The following ABCA8 variants were observed in gnomAD, a reference collection of about 807,000 sequenced individuals.
ABCA8 encodes ABC-type organic anion transporter ABCA8.
In ABCA8, 177 loss-of-function variants were observed where a neutral mutation model predicts 192.3. The ratio of observed to expected loss-of-function variants is 0.92; its 90% confidence interval spans 0.81 to 1.04. The LOEUF (loss-of-function observed/expected upper bound fraction) is 1.04, where lower values mean the gene tolerates loss of function less well. ABCA8 is among the 50% of genes least tolerant of loss of function. The probability of loss-of-function intolerance (pLI) is 0.00; values close to 1 mark genes in which losing one functional copy is unlikely to be tolerated. For synonymous variants in ABCA8, 642 were observed against 690.2 expected, an observed-to-expected ratio of 0.93 and a Z score of 1.09; for missense variants, 1,915 against 1,904.8, an observed-to-expected ratio of 1.01 and a Z score of -0.10.
At chr17:68,946,566 G>A (rs929987511) in intron 2 of ABCA8, among the ~76,000 whole-genome samples, 4 of 152,028 alleles carry the variant, frequency 2.6e-5, no homozygotes, top group African/African-American at 9.7e-5. Flanking sequence ...GAAGACAGCC[G>A]GCCAAAAGAC....
Position 68,918,140 on chromosome 17 carries a change from T to A in ABCA8, c.1954A>T (p.Arg652Ter). The change falls in exon 16 of 40, where the codon AGA (arginine) becomes TGA (stop). Residue 652 changes from arginine to a stop codon, truncating the protein, a stop_gained. Coordinates refer to ENST00000586539, the MANE Select transcript of ABCA8 (RefSeq NM_001288985.2). LOFTEE classifies it high-confidence loss of function. ...EPTAGLDPFSRHQVWNLLKER... is the reference protein window; with the variant it reads ...EPTAGLDPFS ...TTCAGAAGGTTCCATACTTGGTGTC[T>A]TGAAAAGGGATCCAATCCAGCAGTT... The A allele has an allele frequency of 6.2e-7, 1 of 1,614,180 alleles. No homozygotes were observed. The highest frequency in any genetic ancestry group is 8.5e-7 in the Non-Finnish European group (1 of 1,180,020).
chr17:68,934,576 G>A (rs1440591415), intron 5 of ABCA8, among the ~76,000 whole-genome samples: 1 of 152,064 alleles, frequency 6.6e-6, no homozygotes, highest in Non-Finnish European at 1.5e-5. Context: ...AAATGCCTTG[G>A]GTCTAGCTAT....
rs780617537 is a variant in ABCA8 at position 68,887,388 on chromosome 17, C to G, written c.3263G>C (p.Ser1088Thr). The G allele has an allele frequency of 1.3e-5, 21 of 1,612,344 alleles. No homozygotes were observed. In the East Asian group the frequency reaches 4.7e-4, roughly 36 times the overall value. Residue 1088 changes from serine (S) to threonine (T), a missense_variant, in exon 25 of 40, where the codon AGC becomes ACC. Transcript: ENST00000586539. ...CATGTCTTCGAAGTTTGAAATGTAGCTCATTAAATATATAAAAACGAAGAC... is the reference window on the plus strand; with the variant it reads ...CATGTCTTCGAAGTTTGAAATGTAGGTCATTAAATATATAAAAACGAAGAC... ...FLVFVFIYLM[S>T]YISNFEDMLL...
chr17:68,933,359 G>T (rs2067965019), intron 5 of ABCA8, 88 bp from the exon 6 acceptor site: 1 of 803,132 alleles, frequency 1.2e-6, no homozygotes, highest in Middle Eastern at 2.4e-4. Flanking sequence ...GCAAACAGTG[G>T]ACTTTACAAT....
chr17:68,888,684 A>G (rs2066551292), intron 24 of ABCA8, among the ~76,000 whole-genome samples: 1 of 152,246 alleles, frequency 6.6e-6, no homozygotes, highest in African/African-American at 2.4e-5. Flanking sequence ...TTTTGGAAGC[A>G]TGAAACTTGA....
chr17:68,903,626 C>A, intron 19 of ABCA8, 127 bp from the exon 20 acceptor site: 1 of 768,306 alleles, frequency 1.3e-6, no homozygotes, highest in Non-Finnish European at 2.1e-6. Flanking sequence ...TTGCTGGTTA[C>A]TGCCTTAAAA....
chr17:68,881,988 T>A lies in ABCA8; in HGVS notation c.3829-8A>T, dbSNP rs763030648. ...GGCAATGATGACTGGCTTCTGTAAA[T>A]GACAAGAAGTTATTATGTCAGACCT... On this transcript the variant is annotated splice_region_variant and splice_polypyrimidine_tract_variant and intron_variant, in intron 30 of 39. Coordinates refer to ENST00000586539, the MANE Select transcript of ABCA8 (RefSeq NM_001288985.2). 6.2e-7 allele frequency: 1 copy of A among 1,607,890 alleles called. No individual in the cohort carries two copies. Among genetic ancestry groups the A allele is most frequent in the Non-Finnish European group, 8.5e-7 (1 of 1,174,836 alleles).
chr17:68,895,075 A>G, intron 21 of ABCA8, 62 bp from the exon 22 acceptor site: 1 of 1,443,316 alleles, frequency 6.9e-7, no homozygotes, highest in Non-Finnish European at 9.3e-7. Flanking sequence ...CAAGTTGTGT[A>G]GTCAAATTAC....
At position 68,868,287 on chromosome 17, in the gene ABCA8, T is replaced by C; in HGVS notation, c.4767+14A>G. On this transcript the variant is annotated intron_variant, in intron 39 of 39. Coordinates refer to ENST00000586539, the MANE Select transcript of ABCA8 (RefSeq NM_001288985.2). Reference sequence around the variant, plus strand: ...ATATACCATGGATGATACGAATCCCTAAAAATGACCCACCTGCTCCAGGGT... The same window carrying C: ...ATATACCATGGATGATACGAATCCCCAAAAATGACCCACCTGCTCCAGGGT... 4 of 1,613,276 alleles carry C rather than the reference T, an allele frequency of 2.5e-6. No homozygotes were observed. The highest frequency in any genetic ancestry group is 3.4e-6 in the Non-Finnish European group (4 of 1,179,384).
rs1373546504 is a variant in ABCA8, at chr17:68,884,480, G to T, written c.3550-84C>A. The T allele has an allele frequency of 2.1e-6, 3 of 1,436,490 alleles. No individual in the cohort carries two copies. In the Admixed American group the frequency reaches 9.0e-5, roughly 43 times the overall value. 89.0% of individuals were successfully genotyped at this position (1,436,490 alleles called of 1,614,324 possible). On this transcript the variant is annotated intron_variant, in intron 27 of 39. Coordinates refer to ENST00000586539, the MANE Select transcript of ABCA8 (RefSeq NM_001288985.2). ...CATATACGTGAATTGGCCCTAAACA[G>T]CCCTGCTAACATTTGACCATGAATA...
At chr17:68,875,016 G>A (rs2066162140) in intron 37 of ABCA8, among the ~76,000 whole-genome samples, 1 of 152,146 alleles carries the variant, frequency 6.6e-6, no homozygotes. Context: ...TGTCTACGGT[G>A]AAAAGTCTCT....
rs114605583 is a variant in ABCA8 at position 68,901,970 on chromosome 17, T to C, written c.2764+743A>G. On this transcript the variant is annotated intron_variant, in intron 21 of 39. Coordinates refer to ENST00000586539, the MANE Select transcript of ABCA8 (RefSeq NM_001288985.2). ...TACACCCCAGAGAAATGAAAACATA[T>C]GTTCAAACAAAAACTTGTACATGAA... 7.8e-3 allele frequency among the ~76,000 whole-genome samples: 1,181 copies of C among 152,268 alleles called. 18 individuals are homozygous for C. Among genetic ancestry groups the C allele is most frequent in the African/African-American group, 0.027 (1,125 of 41,548 alleles).
At chr17:68,937,929 T>C (rs1376295675) in intron 4 of ABCA8, among the ~76,000 whole-genome samples, 1 of 152,186 alleles carries the variant, frequency 6.6e-6, no homozygotes, top group Non-Finnish European at 1.5e-5. Flanking sequence ...TTTTACAGAA[T>C]ACAGTTTTTG....
At chr17:68,923,136 A>T (rs2067591200) in intron 11 of ABCA8, among the ~76,000 whole-genome samples, 1 of 152,052 alleles carries the variant, frequency 6.6e-6, no homozygotes, top group African/African-American at 2.4e-5. Context: ...TTATTTTATC[A>T]TCTACTATTC....
At chr17:68,881,307 T>G in intron 31 of ABCA8, 96 bp from the exon 32 acceptor site, 4 of 869,648 alleles carry the variant, frequency 4.6e-6, no homozygotes, top group Non-Finnish European at 7.3e-6. Flanking sequence ...GCATTTGCTA[T>G]TAGTTGTCAT....
chr17:68,882,048 T>C (rs2066349004), intron 30 of ABCA8, 68 bp from the exon 31 acceptor site: 1 of 1,363,594 alleles, frequency 7.3e-7, no homozygotes, highest in Non-Finnish European at 1.0e-6. Flanking sequence ...CAAAATTCCA[T>C]CTTCCCATTG....
intron 5 of ABCA8, among the ~76,000 whole-genome samples, chr17:68,933,949 A>G (rs2067982277): frequency 3.3e-5 from 5 of 152,160 alleles, no homozygotes; most frequent in Admixed American, 3.3e-4. Flanking sequence ...GACTCACTAC[A>G]AATTTGCAAA....
intron 2 of ABCA8, among the ~76,000 whole-genome samples, chr17:68,946,952 AG>A (rs2068427758): frequency 6.6e-6 from 1 of 151,440 alleles, no homozygotes; most frequent in Non-Finnish European, 1.5e-5. Flanking sequence ...AGAAAGAGAG[AG>A]AGAGAGAGAG....
In ABCA8 at chr17:68,877,518, C is replaced by A. The variant is rs2066237262; in HGVS notation, c.4199+1G>T. On this transcript the variant is annotated splice_donor_variant, in intron 33 of 39. Coordinates refer to ENST00000586539, the MANE Select transcript of ABCA8 (RefSeq NM_001288985.2). LOFTEE classifies it high-confidence loss of function. Reference sequence around the variant, plus strand: ...AGAACAGATGTGGCTCCTCTGTGTACCGTGTGATGGCAACCTCAGCATCCC... The same window carrying A: ...AGAACAGATGTGGCTCCTCTGTGTAACGTGTGATGGCAACCTCAGCATCCC... 1.2e-6 allele frequency: 2 copies of A among 1,612,052 alleles called. No homozygotes were observed. The highest frequency in any genetic ancestry group is 3.3e-5 in the Admixed American group (2 of 59,874).
Sources: gnomAD v4.1 joint callset for allele counts (sites outside exome capture counted in the v4.1 genomes callset) on GRCh38, gnomAD v4.1.1 for gene constraint, MANE v1.5 for transcripts, NCBI Gene and HGNC (gene_info 2026-07-23, HGNC 2026-07-21) for gene names.